GSK3B: variants seen among roughly 807,000 people sequenced by gnomAD.
GSK3B encodes the protein glycogen synthase kinase-3 beta.
In GSK3B, 15 loss-of-function variants were observed where a neutral mutation model predicts 56.4. The observed-to-expected ratio is 0.27, with a 90% CI of 0.18 to 0.41. GSK3B has a LOEUF of 0.41. Among genes scored for constraint, GSK3B ranks in the 10% least tolerant of loss-of-function variants. The pLI, the probability that GSK3B is intolerant of heterozygous loss-of-function variation, is 1.00. For missense variants in GSK3B, 300 were observed against 513.4 expected (o/e 0.58, Z 4.02); for synonymous variants, 181 against 188.9 (o/e 0.96, Z 0.34).
At chr3:119,903,825 C>T (rs183299848) in intron 7 of GSK3B, among the ~76,000 whole-genome samples, 162 of 152,180 alleles carry the variant, frequency 1.1e-3, no homozygotes, top group Non-Finnish European at 2.0e-3. Context: ...AATATGCCCA[C>T]AGAATTGTAG....
chr3:119,827,225 T>A (rs886685824), intron 10 of GSK3B, among the ~76,000 whole-genome samples: 1 of 152,136 alleles, frequency 6.6e-6, no homozygotes, highest in Non-Finnish European at 1.5e-5. Context: ...TGCTAAAAAT[T>A]TGAACCATGT....
intron 1 of GSK3B, among the ~76,000 whole-genome samples, chr3:120,066,731 A>G (rs1452491632): frequency 6.6e-6 from 1 of 152,240 alleles, no homozygotes; most frequent in Non-Finnish European, 1.5e-5. Context: ...TAAATATTTT[A>G]GGCTTTGCAG....
intron 1 of GSK3B, among the ~76,000 whole-genome samples, chr3:120,062,278 A>G (rs1190212938): frequency 2.0e-5 from 3 of 152,210 alleles, no homozygotes; most frequent in Non-Finnish European, 4.4e-5. Context: ...GAATAATCAC[A>G]TATTAGACTT....
chr3:119,910,069 T>C (rs370099027), intron 6 of GSK3B, among the ~76,000 whole-genome samples: 4 of 152,158 alleles, frequency 2.6e-5, no homozygotes, highest in African/African-American at 4.8e-5. Flanking sequence ...CTTAATGAAA[T>C]AACATTAATT....
chr3:120,053,309 C>T (rs541809467), intron 1 of GSK3B, among the ~76,000 whole-genome samples: 1 of 152,072 alleles, frequency 6.6e-6, no homozygotes, highest in African/African-American at 2.4e-5. Flanking sequence ...TACACTCCAG[C>T]CTGGGCGACA....
intron 1 of GSK3B, among the ~76,000 whole-genome samples, chr3:120,033,816 G>A (rs1255670132): frequency 1.3e-5 from 2 of 151,860 alleles, no homozygotes; most frequent in African/African-American, 4.8e-5. Flanking sequence ...GCTCCACCAC[G>A]GTAAGATGTG....
chr3:120,030,887 A>G (rs1270109315), intron 1 of GSK3B, among the ~76,000 whole-genome samples: 1 of 152,226 alleles, frequency 6.6e-6, no homozygotes, highest in Non-Finnish European at 1.5e-5. Flanking sequence ...CAGTGAACAA[A>G]TGTACTTACA....
chr3:119,950,090 C>G (rs1228080829), intron 2 of GSK3B, among the ~76,000 whole-genome samples: 1 of 151,700 alleles, frequency 6.6e-6, no homozygotes, highest in Admixed American at 6.6e-5. Flanking sequence ...AAATAGAGGA[C>G]AGAGTGGAGT....
chr3:120,050,167 C>A (rs1279270281), intron 1 of GSK3B, among the ~76,000 whole-genome samples: 1 of 152,122 alleles, frequency 6.6e-6, no homozygotes, highest in African/African-American at 2.4e-5. Context: ...TAACCCATTC[C>A]CATGAGAACT....
intron 9 of GSK3B, among the ~76,000 whole-genome samples, chr3:119,844,487 A>G (rs1178141538): frequency 6.6e-6 from 1 of 152,206 alleles, no homozygotes; most frequent in Non-Finnish European, 1.5e-5. Context: ...ATAAAAAATG[A>G]TAAAGGGGAG....
intron 2 of GSK3B, among the ~76,000 whole-genome samples, chr3:119,996,814 A>G (rs2057621876): frequency 6.6e-6 from 1 of 152,130 alleles, no homozygotes; most frequent in African/African-American, 2.4e-5. Flanking sequence ...TTCCTTGAAA[A>G]GAGATGATAA....
rs138458705 is a variant in GSK3B, at chr3:119,986,965, G to C, written c.282+15081C>G. On this transcript the variant is annotated intron_variant, in intron 2 of 10. Coordinates refer to ENST00000264235, the MANE Select transcript of GSK3B (RefSeq NM_001146156.2). Reference sequence around the variant, plus strand: ...TGATAGACTGGATTAAGAAAATGTGGCACATATACAGCATGGAATACTATG... The same window carrying C: ...TGATAGACTGGATTAAGAAAATGTGCCACATATACAGCATGGAATACTATG... 1.2e-3 allele frequency among the ~76,000 whole-genome samples: 182 copies of C among 152,284 alleles called. 1 individual carries two copies. The highest frequency in any genetic ancestry group is 4.2e-3 in the African/African-American group (174 of 41,546).
chr3:120,073,677 C>T (rs1192102747), intron 1 of GSK3B, among the ~76,000 whole-genome samples: 1 of 152,138 alleles, frequency 6.6e-6, no homozygotes, highest in Admixed American at 6.5e-5. Context: ...ATCTTATTCC[C>T]TCTCCAAATT....
At chr3:120,066,565 T>G (rs2058282062) in intron 1 of GSK3B, among the ~76,000 whole-genome samples, 1 of 152,210 alleles carries the variant, frequency 6.6e-6, no homozygotes, top group Non-Finnish European at 1.5e-5. Flanking sequence ...ACCCTGCTTT[T>G]TCTTAGGATA....
intron 1 of GSK3B, among the ~76,000 whole-genome samples, chr3:120,007,433 C>T (rs1331512196): frequency 1.3e-5 from 2 of 152,014 alleles, no homozygotes; most frequent in African/African-American, 2.4e-5. Flanking sequence ...ATCCTGATAC[C>T]AAATGATATC....
chr3:119,842,558 T>A (rs886201735), intron 10 of GSK3B, among the ~76,000 whole-genome samples: 2 of 152,198 alleles, frequency 1.3e-5, no homozygotes, highest in Non-Finnish European at 2.9e-5. Context: ...TTTTCAGCTA[T>A]AAACATCTCA....
At chr3:119,837,832 A>G (rs1423772068) in intron 10 of GSK3B, among the ~76,000 whole-genome samples, 1 of 149,744 alleles carries the variant, frequency 6.7e-6, no homozygotes, top group Admixed American at 6.7e-5. Flanking sequence ...AGTGAATGAG[A>G]TGACTGGGTG....
chr3:119,825,833 A>C lies in GSK3B; in HGVS notation c.*955T>G. ...CAAGTGTATCTTTCCAAGGGAAGTA[A>C]CTTTAGAAAAAAATCTGGACAAACT... On this transcript the variant is annotated 3_prime_UTR_variant, in exon 11 of 11. Coordinates refer to ENST00000264235, the MANE Select transcript of GSK3B (RefSeq NM_001146156.2). The C allele has an allele frequency of 1.4e-5, 3 of 219,012 alleles. No individual in the cohort carries two copies. The highest frequency in any genetic ancestry group is 2.7e-5 in the Non-Finnish European group (3 of 109,288). The allele number at this position is 219,012 out of a possible 1,614,324, so 13.6% of individuals were successfully genotyped here.
At chr3:120,089,643 T>G (rs2058494391) in intron 1 of GSK3B, among the ~76,000 whole-genome samples, 1 of 152,164 alleles carries the variant, frequency 6.6e-6, no homozygotes, top group Non-Finnish European at 1.5e-5. Context: ...TACAGACTTA[T>G]TTTCATATTT....
Sources: gnomAD v4.1 joint callset for allele counts (sites outside exome capture counted in the v4.1 genomes callset) on GRCh38, gnomAD v4.1.1 for gene constraint, MANE v1.5 for transcripts, NCBI Gene and HGNC (gene_info 2026-07-23, HGNC 2026-07-21) for gene names.